The following CUX1 variants were observed in gnomAD, a reference collection of about 807,000 sequenced individuals.
CUX1 encodes cut like homeobox 1.
A neutral mutation model predicts 158.8 loss-of-function variants in CUX1; 31 were observed. That is an observed-to-expected ratio of 0.20 (90% CI 0.15 to 0.26). The LOEUF is 0.26. Among genes scored for constraint, CUX1 ranks in the 10% least tolerant of loss-of-function variants. The pLI is 1.00. For synonymous variants in CUX1, 879 were observed against 862.1 expected (o/e 1.02, Z -0.34); for missense variants, 1,589 against 2,014.6 (o/e 0.79, Z 4.04).
chr7:102,031,034 C>T (rs2129339850), intron 3 of CUX1, among the ~76,000 whole-genome samples: 1 of 152,016 alleles, frequency 6.6e-6, no homozygotes, highest in South Asian at 2.1e-4. Context: ...AGGACATCCT[C>T]TCCATCTCCA....
intron 2 of CUX1, among the ~76,000 whole-genome samples, chr7:101,972,811 C>T (rs1298205684): frequency 2.0e-5 from 3 of 152,162 alleles, no homozygotes; most frequent in Admixed American, 6.5e-5. Flanking sequence ...GGAGGTGTCC[C>T]GGGAGCTCGC....
intron 10 of CUX1, among the ~76,000 whole-genome samples, chr7:102,174,379 A>G (rs1463898332): frequency 2.0e-5 from 3 of 151,958 alleles, no homozygotes; most frequent in Non-Finnish European, 4.4e-5. Context: ...TCAGCCTCCC[A>G]AAGTGCTGGG....
intron 2 of CUX1, among the ~76,000 whole-genome samples, chr7:101,950,808 C>A (rs1434422941): frequency 6.6e-6 from 1 of 152,192 alleles, no homozygotes; most frequent in African/African-American, 2.4e-5. Context: ...TGCCTTGCCT[C>A]CCAAAGTGCT....
rs67147187 is a variant in CUX1, at chr7:102,021,614, C to CTTT, written c.142-6464_142-6462dup. Reference sequence around the variant, plus strand: ...TGAGCTACCAGATACTTTTTTTTCTCTTTTTTTTTTTTTTTTTTTTTTGGA... The same window carrying CTTT: ...TGAGCTACCAGATACTTTTTTTTCTCTTTTTTTTTTTTTTTTTTTTTTTTTGGA... On this transcript the variant is annotated intron_variant, in intron 2 of 23. Transcript: ENST00000292535. Among the ~76,000 whole-genome samples, 922 of 109,188 alleles carry CTTT rather than the reference C, an allele frequency of 8.4e-3. 10 individuals are homozygous for CTTT. Among genetic ancestry groups the CTTT allele is most frequent in the African/African-American group, 0.025 (808 of 31,940 alleles). 71.6% of individuals were successfully genotyped at this position (109,188 alleles called of 152,430 possible). A position where few individuals can be genotyped will look rare whatever the true frequency, so the allele number is the denominator to read the frequency against.
At chr7:102,034,579 C>A (rs1821192892) in intron 3 of CUX1, among the ~76,000 whole-genome samples, 1 of 151,968 alleles carries the variant, frequency 6.6e-6, no homozygotes, top group African/African-American at 2.4e-5. Context: ...ATGGTGAAAC[C>A]CCAGCTCTAC....
chr7:102,199,189 T>C (rs1554519075), intron 16 of CUX1, among the ~76,000 whole-genome samples: 1 of 152,176 alleles, frequency 6.6e-6, no homozygotes, highest in Non-Finnish European at 1.5e-5. Context: ...ATAACAGCGG[T>C]TGCTCTGAGA....
chr7:101,902,456 A>G (rs1802257352), intron 1 of CUX1, among the ~76,000 whole-genome samples: 1 of 152,218 alleles, frequency 6.6e-6, no homozygotes, highest in Non-Finnish European at 1.5e-5. Context: ...CCCTTGAAGT[A>G]TGGCAGCTGG....
At chr7:101,929,125 A>G (rs1487920964) in intron 2 of CUX1, among the ~76,000 whole-genome samples, 1 of 151,972 alleles carries the variant, frequency 6.6e-6, no homozygotes, top group Non-Finnish European at 1.5e-5. Flanking sequence ...GCAGTAAGCC[A>G]AGATCGTGCC....
intron 2 of CUX1, among the ~76,000 whole-genome samples, chr7:101,921,282 T>C (rs768269755): frequency 6.6e-6 from 1 of 152,230 alleles, no homozygotes; most frequent in South Asian, 2.1e-4. Context: ...TACGTACCCA[T>C]GTGCCTGTAC....
At chr7:101,971,559 C>G (rs1009834841) in intron 2 of CUX1, among the ~76,000 whole-genome samples, 1 of 152,144 alleles carries the variant, frequency 6.6e-6, no homozygotes. Flanking sequence ...CCAAAGTTCC[C>G]CAGGCCCTGT....
rs11771127 is a variant in CUX1, at chr7:102,254,757, G to C, written c.*5715G>C. The C allele has an allele frequency of 0.15, 145,436 of 985,442 alleles. 11,317 individuals carry two copies. The highest frequency in any genetic ancestry group is 0.16 in the Non-Finnish European group (131,165 of 829,948). The allele number at this position is 985,442 out of a possible 1,614,324, so 61.0% of individuals were successfully genotyped here. ...GCAGGGCTTGTGCCCTGAGTGGCGA[G>C]GTGGTGACCTGAGGCCAGTGTGATG... is the stretch of plus-strand genomic sequence containing the variant. On this transcript the variant is annotated 3_prime_UTR_variant, in exon 24 of 24. Coordinates refer to ENST00000292535, the MANE Select transcript of CUX1 (RefSeq NM_181552.4).
chr7:102,249,928 CT>C lies in CUX1; in HGVS notation c.*888del. On this transcript the variant is annotated 3_prime_UTR_variant, in exon 24 of 24. Coordinates refer to ENST00000292535, the MANE Select transcript of CUX1 (RefSeq NM_181552.4). The stretch of plus-strand genomic sequence containing the variant: ...TTTGTGGTAGCTGACATAGTGTTTT[CT>C]TGTACGTGAATAGAATCCTGACATG... 1.0e-6 allele frequency: 1 copy of C among 985,658 alleles called. No homozygotes were observed. The highest frequency in any genetic ancestry group is 1.2e-6 in the Non-Finnish European group (1 of 829,912). The allele number at this position is 985,658 out of a possible 1,614,324, so 61.1% of individuals were successfully genotyped here.
chr7:101,836,684 CAAAAAAAA>C (rs71755816), intron 1 of CUX1, among the ~76,000 whole-genome samples: 6 of 77,806 alleles, frequency 7.7e-5, no homozygotes, highest in African/African-American at 3.0e-4. Context: ...GACTCCTTCT[CAAAAAAAA>C]AAAAAAAAAA....
intron 14 of CUX1, among the ~76,000 whole-genome samples, chr7:102,272,484 C>T (rs1791288559): frequency 6.6e-6 from 1 of 152,258 alleles, no homozygotes; most frequent in East Asian, 1.9e-4. Context: ...GCCCCAACAG[C>T]TCACCCTAAA....
At chr7:102,063,662 G>T (rs1186562925) in intron 3 of CUX1, among the ~76,000 whole-genome samples, 3 of 151,938 alleles carry the variant, frequency 2.0e-5, no homozygotes, top group Non-Finnish European at 4.4e-5. Context: ...CAAAGTGCTG[G>T]GATTACAGGC....
At chr7:101,992,941 G>C (rs1002137809) in intron 2 of CUX1, among the ~76,000 whole-genome samples, 2 of 152,132 alleles carry the variant, frequency 1.3e-5, no homozygotes, top group Non-Finnish European at 2.9e-5. Context: ...TGGCCACCCC[G>C]AGGGGGCCCT....
At position 102,254,554 on chromosome 7, in the gene CUX1, C is replaced by T; in HGVS notation, c.*5512C>T. 1 of 985,540 alleles carries T rather than the reference C, an allele frequency of 1.0e-6. No homozygotes were observed. The highest frequency in any genetic ancestry group is 1.2e-6 in the Non-Finnish European group (1 of 830,004). 61.0% of individuals were successfully genotyped at this position (985,540 alleles called of 1,614,324 possible). A position where few individuals can be genotyped will look rare whatever the true frequency, so the allele number is the denominator to read the frequency against. On this transcript the variant is annotated 3_prime_UTR_variant, in exon 24 of 24. Transcript: ENST00000292535. ...TGGTGGTTGGAGGTGGGTCTGTCCA[C>T]TGTGGGGGCCAAAGTGTTCCCCTGC... is the stretch of plus-strand genomic sequence containing the variant.
chr7:102,120,510 T>C (rs1554493105), intron 8 of CUX1, among the ~76,000 whole-genome samples: 1 of 152,230 alleles, frequency 6.6e-6, no homozygotes, highest in Non-Finnish European at 1.5e-5. Flanking sequence ...CCTATATGCT[T>C]TTTTCAAAGA....
In CUX1 at chr7:102,251,385, T is replaced by C. The variant is rs1801489960; in HGVS notation, c.*2343T>C. On this transcript the variant is annotated 3_prime_UTR_variant, in exon 24 of 24. Coordinates refer to ENST00000292535, the MANE Select transcript of CUX1 (RefSeq NM_181552.4). ...CATGATGTTTTAGAGATTATTTCAT[T>C]TACAGTCTTTTAACCTGCAGCTGCA... The C allele has an allele frequency of 1.0e-6, 1 of 985,418 alleles. No homozygotes were observed. The highest frequency in any genetic ancestry group is 1.2e-6 in the Non-Finnish European group (1 of 829,926). 61.0% of individuals were successfully genotyped at this position (985,418 alleles called of 1,614,324 possible). A position where few individuals can be genotyped will look rare whatever the true frequency, so the allele number is the denominator to read the frequency against.
Sources: gnomAD v4.1 joint callset for allele counts (sites outside exome capture counted in the v4.1 genomes callset) on GRCh38, gnomAD v4.1.1 for gene constraint, MANE v1.5 for transcripts, NCBI Gene and HGNC (gene_info 2026-07-23, HGNC 2026-07-21) for gene names.